The following MTMR8 variants were observed in gnomAD, a reference collection of about 807,000 sequenced individuals.
The protein encoded by MTMR8 is phosphatidylinositol-3,5-bisphosphate 3-phosphatase MTMR8.
A neutral mutation model predicts 39.3 loss-of-function variants in MTMR8; 65 were observed. The observed-to-expected ratio is 1.65, with a 90% CI of 1.35 to 2.03. The LOEUF (loss-of-function observed/expected upper bound fraction) is 2.03. MTMR8 is among the 30% of genes most tolerant of loss of function. The pLI, the probability that MTMR8 is intolerant of heterozygous loss-of-function variation, is 0.00. For missense variants in MTMR8, 777 were observed against 538.9 expected (o/e 1.44, Z -4.37); for synonymous variants, 245 against 185.2 (o/e 1.32, Z -2.62).
At chrX:64,321,112 T>G (rs930743545) in intron 12 of MTMR8, among the ~76,000 whole-genome samples, 1 of 111,577 alleles carries the variant, frequency 9.0e-6, no homozygotes, top group African/African-American at 3.3e-5. Flanking sequence ...TTCTACCACA[T>G]TATAATATTG....
chrX:64,363,164 T>C (rs907735881), intron 1 of MTMR8, among the ~76,000 whole-genome samples: 1 of 111,305 alleles, frequency 9.0e-6, no homozygotes, highest in Non-Finnish European at 1.9e-5. Flanking sequence ...GGAAGGGCAA[T>C]CTGGCACTAC....
chrX:64,364,417 G>A (rs181870741), intron 1 of MTMR8, among the ~76,000 whole-genome samples: 1 of 111,984 alleles, frequency 8.9e-6, no homozygotes, highest in African/African-American at 3.2e-5. Context: ...AATATTTGCT[G>A]CTCTGCAATA....
intron 12 of MTMR8, among the ~76,000 whole-genome samples, chrX:64,284,035 G>C (rs1335776168): frequency 8.9e-6 from 1 of 112,023 alleles, no homozygotes; most frequent in Non-Finnish European, 1.9e-5. Context: ...CCAGCTAAAG[G>C]AGGAAGTTCG....
intron 12 of MTMR8, among the ~76,000 whole-genome samples, chrX:64,319,505 T>A (rs948524062): frequency 8.9e-6 from 1 of 112,223 alleles, no homozygotes; most frequent in Non-Finnish European, 1.9e-5. Context: ...TGGTATTGCC[T>A]AGGTTTTCTT....
intron 12 of MTMR8, among the ~76,000 whole-genome samples, chrX:64,327,046 A>T (rs779182026): frequency 8.9e-6 from 1 of 112,130 alleles, no homozygotes; most frequent in East Asian, 2.8e-4. Flanking sequence ...AATGGATTAA[A>T]AACTTAAATG....
chrX:64,364,750 G>A (rs763235878), intron 1 of MTMR8, among the ~76,000 whole-genome samples: 1 of 112,108 alleles, frequency 8.9e-6, no homozygotes, highest in South Asian at 3.8e-4. Flanking sequence ...AACAAAGCTA[G>A]ATGAAGAATG....
At position 64,268,309 on chromosome X, in the gene MTMR8, C is replaced by A. The variant is rs1384742885; in HGVS notation, c.*228G>T. On this transcript the variant is annotated 3_prime_UTR_variant, in exon 14 of 14. Transcript: ENST00000374852. Reference sequence around the variant, plus strand: ...AGGCAACATTTCTATAGTTAAATCCCATTTTAGAACAATAACATATTCTTT... The same window carrying A: ...AGGCAACATTTCTATAGTTAAATCCAATTTTAGAACAATAACATATTCTTT... 8.1e-6 allele frequency: 3 copies of A among 371,619 alleles called. No individual in the cohort carries two copies. The highest frequency in any genetic ancestry group is 2.5e-5 in the African/African-American group (1 of 39,434). 30.6% of individuals were successfully genotyped at this position (371,619 alleles called of 1,213,427 possible).
intron 12 of MTMR8, among the ~76,000 whole-genome samples, chrX:64,294,301 A>G (rs1327930614): frequency 8.9e-6 from 1 of 111,758 alleles, no homozygotes; most frequent in Non-Finnish European, 1.9e-5. Flanking sequence ...AATATTTTGT[A>G]GGAGAGTTAA....
intron 12 of MTMR8, among the ~76,000 whole-genome samples, chrX:64,287,357 A>G (rs1419026923): frequency 2.2e-4 from 25 of 111,937 alleles, no homozygotes; most frequent in Non-Finnish European, 4.3e-4. Context: ...CATGGATAGG[A>G]AGACTCAATA....
chrX:64,359,518 C>T lies in MTMR8; in HGVS notation c.34G>A (p.Val12Met), dbSNP rs774830051. The change falls in exon 2 of 14, where the codon GTG (valine) becomes ATG (methionine). Residue 12 changes from valine to methionine, a missense_variant. Physicochemically the swap from Val to Met is conservative, Grantham distance 21. Transcript: ENST00000374852. The part of the protein sequence containing the change: ...DHITVPKVEN[V>M]KLVDRYVSKK... ...CTCACATAACGATCCACCAATTTCA[C>T]GTTTTCTACCTGTTATTGGAGGAAA... The T allele has an allele frequency of 2.1e-5, 25 of 1,192,836 alleles. No individual in the cohort carries two copies. The highest frequency in any genetic ancestry group is 9.3e-5 in the South Asian group (5 of 53,720).
chrX:64,334,553 ACT>A (rs1357967522), intron 10 of MTMR8, among the ~76,000 whole-genome samples: 1 of 93,577 alleles, frequency 1.1e-5, no homozygotes, highest in Non-Finnish European at 2.1e-5. Context: ...TACACAAAAC[ACT>A]CAAATCTTTC....
intron 12 of MTMR8, among the ~76,000 whole-genome samples, chrX:64,284,888 C>T (rs967847033): frequency 8.9e-6 from 1 of 112,014 alleles, no homozygotes; most frequent in African/African-American, 3.2e-5. Context: ...TCGTAAAGAC[C>T]ATCGAAGCTA....
intron 1 of MTMR8, among the ~76,000 whole-genome samples, chrX:64,361,704 A>T (rs1174221337): frequency 9.0e-6 from 1 of 111,718 alleles, no homozygotes. Flanking sequence ...ATTATATACA[A>T]AAAACCTACA....
intron 12 of MTMR8, among the ~76,000 whole-genome samples, chrX:64,314,578 G>T (rs191330427): frequency 8.8e-6 from 1 of 113,225 alleles, no homozygotes; most frequent in Non-Finnish European, 1.9e-5. Flanking sequence ...GCCTGCCAAG[G>T]CTCCAACTGC....
At chrX:64,354,590 A>T (rs763122948) in intron 4 of MTMR8, among the ~76,000 whole-genome samples, 187 bp downstream of exon 4, 12 of 112,134 alleles carry the variant, frequency 1.1e-4, no homozygotes, top group Admixed American at 6.6e-4. Context: ...GCTTTAGGCC[A>T]TGAGATCTCT....
intron 1 of MTMR8, among the ~76,000 whole-genome samples, chrX:64,379,132 A>C (rs991337034): frequency 2.7e-5 from 3 of 112,062 alleles, no homozygotes; most frequent in Non-Finnish European, 5.6e-5. Flanking sequence ...AACAAAATCC[A>C]AAATTAGCAA....
At chrX:64,289,565 A>G (rs950604005) in intron 12 of MTMR8, among the ~76,000 whole-genome samples, 2 of 103,924 alleles carry the variant, frequency 1.9e-5, no homozygotes, top group Non-Finnish European at 3.9e-5. Context: ...TGAGCCCAGG[A>G]ATTAGGGATT....
chrX:64,280,077 G>A (rs1931968782), intron 12 of MTMR8, among the ~76,000 whole-genome samples: 1 of 111,939 alleles, frequency 8.9e-6, no homozygotes, highest in African/African-American at 3.2e-5. Flanking sequence ...ACTAAAAAAA[G>A]CCCAGGACCA....
intron 12 of MTMR8, among the ~76,000 whole-genome samples, chrX:64,300,369 G>A (rs968838931): frequency 9.0e-6 from 1 of 111,379 alleles, no homozygotes; most frequent in East Asian, 2.8e-4. Context: ...TTGGTTTAAA[G>A]TCTGTTTTAT....
Sources: allele counts gnomAD v4.1 joint callset (sites outside exome capture counted in the v4.1 genomes callset), GRCh38; gene constraint gnomAD v4.1.1; transcripts MANE v1.5; gene names NCBI Gene and HGNC (gene_info 2026-07-23, HGNC 2026-07-21).